Variants in PRKN observed in about 807,000 individuals in gnomAD.
PRKN encodes parkin RBR E3 ubiquitin protein ligase, also known as E3 ubiquitin-protein ligase parkin.
A neutral mutation model predicts 59.5 loss-of-function variants in PRKN; 56 were observed. The ratio of observed to expected loss-of-function variants is 0.94; its 90% CI spans 0.76 to 1.18. The LOEUF is 1.18. Ranked by LOEUF, PRKN falls within the 50% of genes most tolerant of loss-of-function variation. The pLI is 0.00. For missense variants in PRKN, 657 were observed against 596.4 expected (o/e 1.10, Z -1.06); for synonymous variants, 250 against 222.1 (o/e 1.13, Z -1.12).
intron 1 of PRKN, among the ~76,000 whole-genome samples, chr6:162,548,538 CT>C (rs1201381945): frequency 1.3e-5 from 2 of 151,986 alleles, no homozygotes; most frequent in Non-Finnish European, 2.9e-5. Context: ...CTAGAAACAA[CT>C]GACATTCAAA....
intron 7 of PRKN, among the ~76,000 whole-genome samples, chr6:161,696,283 C>G (rs1786019581): frequency 6.6e-6 from 1 of 152,134 alleles, no homozygotes; most frequent in Non-Finnish European, 1.5e-5. Context: ...GGGTTGACAC[C>G]CTATTTTTAT....
intron 7 of PRKN, among the ~76,000 whole-genome samples, chr6:161,640,069 G>A (rs1783681955): frequency 6.6e-6 from 1 of 152,192 alleles, no homozygotes; most frequent in Admixed American, 6.5e-5. Context: ...GTGGTCTTGT[G>A]CTTAGGCTAA....
At chr6:162,133,629 A>G (rs1781458802) in intron 4 of PRKN, among the ~76,000 whole-genome samples, 1 of 152,184 alleles carries the variant, frequency 6.6e-6, no homozygotes, top group Non-Finnish European at 1.5e-5. Flanking sequence ...ATGGGCACGA[A>G]TGACAATAAT....
At chr6:162,299,911 T>C (rs1781865082) in intron 2 of PRKN, among the ~76,000 whole-genome samples, 1 of 152,166 alleles carries the variant, frequency 6.6e-6, no homozygotes, top group African/African-American at 2.4e-5. Context: ...AATCCTAGCT[T>C]TCACTACAGC....
chr6:162,363,012 C>G (rs1023905997), intron 2 of PRKN, among the ~76,000 whole-genome samples: 33 of 150,818 alleles, frequency 2.2e-4, no homozygotes, highest in African/African-American at 6.3e-4. Flanking sequence ...CCTGTAGTCA[C>G]AGCTACTCGG....
intron 9 of PRKN, among the ~76,000 whole-genome samples, chr6:161,421,611 T>C (rs1788110921): frequency 6.6e-6 from 1 of 152,148 alleles, no homozygotes; most frequent in African/African-American, 2.4e-5. Flanking sequence ...AAGAGTTTGT[T>C]CAGATAGAGA....
intron 4 of PRKN, among the ~76,000 whole-genome samples, chr6:162,070,045 C>T (rs1453494144): frequency 1.3e-5 from 2 of 152,198 alleles, no homozygotes; most frequent in Non-Finnish European, 2.9e-5. Flanking sequence ...ATGTCCCAAG[C>T]CAACCTTGAT....
chr6:162,723,338 G>A (rs1038490753), intron 1 of PRKN, among the ~76,000 whole-genome samples: 1 of 152,132 alleles, frequency 6.6e-6, no homozygotes, highest in African/African-American at 2.4e-5. Context: ...CTGTCAAGAC[G>A]GCAAAAATAA....
At chr6:162,410,260 A>G (rs1180906071) in intron 2 of PRKN, among the ~76,000 whole-genome samples, 1 of 151,902 alleles carries the variant, frequency 6.6e-6, no homozygotes, top group African/African-American at 2.4e-5. Context: ...GGCCCCCAGG[A>G]AGTATTCTTT....
In PRKN at chr6:161,413,197, C is replaced by G. The variant is rs1305915075; in HGVS notation, c.1084-26320G>C. The stretch of plus-strand genomic sequence containing the variant: ...CATTTAGGGTCGTGGGACCCCTTCC[C>G]ATTTATTTGTGGAAACCCACTGTCT... On this transcript the variant is annotated intron_variant, in intron 9 of 11. Coordinates refer to ENST00000366898, the MANE Select transcript of PRKN (RefSeq NM_004562.3). The surrounding 1 kb of genome is among the most constrained non-coding windows in gnomAD (Gnocchi z 4.4). 2.6e-5 allele frequency among the ~76,000 whole-genome samples: 4 copies of G among 152,144 alleles called. No homozygotes were observed. Among genetic ancestry groups the G allele is most frequent in the Non-Finnish European group, 5.9e-5 (4 of 68,028 alleles).
At chr6:162,380,524 TGTATATATAC>T (rs1786420473) in intron 2 of PRKN, among the ~76,000 whole-genome samples, 1 of 138,168 alleles carries the variant, frequency 7.2e-6, no homozygotes, top group Non-Finnish European at 1.5e-5. Context: ...TATATATATA[TGTATATATAC>T]ATATATATAT....
At chr6:162,090,140 TTG>T (rs145451710) in intron 4 of PRKN, among the ~76,000 whole-genome samples, 13 of 150,692 alleles carry the variant, frequency 8.6e-5, no homozygotes, top group African/African-American at 2.4e-4. Context: ...CACGCAGTAT[TTG>T]TGTGTGTGTG....
chr6:161,601,862 A>G (rs896394809), intron 7 of PRKN, among the ~76,000 whole-genome samples: 1 of 152,288 alleles, frequency 6.6e-6, no homozygotes, highest in Non-Finnish European at 1.5e-5. Flanking sequence ...GATTACAGGC[A>G]TGAGCCACCG....
chr6:161,878,034 GC>G (rs1250850740), intron 6 of PRKN, among the ~76,000 whole-genome samples: 1 of 152,114 alleles, frequency 6.6e-6, no homozygotes, highest in Non-Finnish European at 1.5e-5. Flanking sequence ...GGGTGGGTCA[GC>G]CTCTTCCTCT....
chr6:162,359,505 T>G (rs1005143145), intron 2 of PRKN, among the ~76,000 whole-genome samples: 1 of 151,796 alleles, frequency 6.6e-6, no homozygotes, highest in Non-Finnish European at 1.5e-5. Flanking sequence ...GCTAATGAAA[T>G]CTCCTCAGTA....
chr6:162,251,958 T>C (rs1338488765), intron 3 of PRKN, among the ~76,000 whole-genome samples: 1 of 152,236 alleles, frequency 6.6e-6, no homozygotes, highest in Non-Finnish European at 1.5e-5. Context: ...CTACTGTGTA[T>C]ATCTGTAATA....
intron 1 of PRKN, among the ~76,000 whole-genome samples, chr6:162,480,789 G>A (rs1792269212): frequency 6.6e-6 from 1 of 152,030 alleles, no homozygotes; most frequent in South Asian, 2.1e-4. Context: ...AGTATGGAAG[G>A]AGACAGTGTA....
intron 7 of PRKN, among the ~76,000 whole-genome samples, chr6:161,634,265 C>A (rs1562572222): frequency 6.6e-6 from 1 of 152,158 alleles, no homozygotes; most frequent in South Asian, 2.1e-4. Flanking sequence ...CCCTGGTGAG[C>A]GTCCCCGCAG....
intron 9 of PRKN, among the ~76,000 whole-genome samples, chr6:161,392,191 C>G (rs1473286747): frequency 3.3e-5 from 5 of 151,674 alleles, no homozygotes; most frequent in Admixed American, 6.6e-5. Context: ...CTGCCTCGGC[C>G]TCCCAAAGTG....
Sources: allele counts gnomAD v4.1 joint callset (sites outside exome capture counted in the v4.1 genomes callset), GRCh38; gene constraint gnomAD v4.1.1; non-coding constraint Gnocchi (gnomAD v3.1); transcripts MANE v1.5; gene names NCBI Gene and HGNC (gene_info 2026-07-23, HGNC 2026-07-21).